TRAPPC9: variants seen among roughly 807,000 people sequenced by gnomAD.
The protein encoded by TRAPPC9 is IKK2 binding protein.
Under a neutral mutation model 124.0 loss-of-function variants are expected in TRAPPC9, and 83 were observed. The ratio of observed to expected loss-of-function variants is 0.67; its 90% CI spans 0.56 to 0.80. The LOEUF is 0.80. Ranked by LOEUF, TRAPPC9 falls within the 30% of genes least tolerant of loss-of-function variation. The pLI, the probability that TRAPPC9 is intolerant of heterozygous loss-of-function variation, is 0.00. For synonymous variants in TRAPPC9, 638 were observed against 617.5 expected (o/e 1.03, Z -0.49); for missense variants, 1,302 against 1,508.3 (o/e 0.86, Z 2.27).
At chr8:139,942,989 A>C (rs912454250) in intron 19 of TRAPPC9, among the ~76,000 whole-genome samples, 1 of 152,234 alleles carries the variant, frequency 6.6e-6, no homozygotes, top group Non-Finnish European at 1.5e-5. Flanking sequence ...CCTGGTGTGC[A>C]TGGAGCAGAG....
rs1008066050 is a variant in TRAPPC9 at position 139,814,312 on chromosome 8, G to A, written c.3055+71567C>T. On this transcript the variant is annotated intron_variant, in intron 21 of 22. Coordinates refer to ENST00000438773, the MANE Select transcript of TRAPPC9 (RefSeq NM_001160372.4). ...CCAATGGCCTTCCCCGTGGAGACAC[G>A]GCGATGAGAAGCCAAAAACAGTCAC... 5.9e-5 allele frequency among the ~76,000 whole-genome samples: 9 copies of A among 152,178 alleles called. 1 individual carries two copies. Among genetic ancestry groups the A allele is most frequent in the Non-Finnish European group, 7.3e-5 (5 of 68,030 alleles).
chr8:139,740,757 A>G (rs542052774), intron 21 of TRAPPC9, among the ~76,000 whole-genome samples: 13 of 152,316 alleles, frequency 8.5e-5, no homozygotes, highest in South Asian at 2.1e-4. Flanking sequence ...CGGGGCCCCA[A>G]CTGGAGCCAT....
At chr8:140,020,266 T>C (rs115334561) in intron 18 of TRAPPC9, among the ~76,000 whole-genome samples, 2,064 of 152,322 alleles carry the variant, frequency 0.014, 45 homozygotes, top group African/African-American at 0.046. Flanking sequence ...TTTCTTCTGC[T>C]TACTCTAGGT....
chr8:140,014,986 T>C (rs760933162), intron 18 of TRAPPC9, among the ~76,000 whole-genome samples: 13 of 152,160 alleles, frequency 8.5e-5, no homozygotes, highest in Non-Finnish European at 1.8e-4. Flanking sequence ...CTGCAGAAAT[T>C]ATCAGTATCA....
intron 17 of TRAPPC9, among the ~76,000 whole-genome samples, chr8:140,196,646 G>T (rs2062676709): frequency 6.6e-6 from 1 of 151,516 alleles, no homozygotes; most frequent in Admixed American, 6.6e-5. Flanking sequence ...CCACTGTACA[G>T]ATCACACCTG....
intron 5 of TRAPPC9, among the ~76,000 whole-genome samples, chr8:140,420,841 T>C (rs1051617794): frequency 1.3e-5 from 2 of 152,132 alleles, no homozygotes; most frequent in African/African-American, 4.8e-5. Flanking sequence ...TAAAAACAAA[T>C]TCATTTTCAA....
intron 17 of TRAPPC9, among the ~76,000 whole-genome samples, chr8:140,219,125 G>A (rs1391789895): frequency 2.0e-5 from 3 of 152,154 alleles, no homozygotes; most frequent in Non-Finnish European, 4.4e-5. Context: ...AGAAGGCCTT[G>A]GTGAGACCCC....
intron 16 of TRAPPC9, among the ~76,000 whole-genome samples, chr8:140,223,921 T>A (rs1269508114): frequency 6.6e-6 from 1 of 152,202 alleles, no homozygotes; most frequent in Non-Finnish European, 1.5e-5. Flanking sequence ...AAAAATAGTC[T>A]ACTTGAAAAG....
chr8:139,854,444 T>C (rs1436176854), intron 21 of TRAPPC9, among the ~76,000 whole-genome samples: 3 of 152,210 alleles, frequency 2.0e-5, no homozygotes, highest in Non-Finnish European at 2.9e-5. Context: ...GCCCTTGGTG[T>C]CCGTGTCTGT....
intron 21 of TRAPPC9, among the ~76,000 whole-genome samples, chr8:139,804,614 C>T (rs1208552268): frequency 3.9e-5 from 5 of 129,068 alleles, no homozygotes; most frequent in African/African-American, 1.2e-4. Context: ...CACACAACCA[C>T]CACCACCCAC....
chr8:139,826,179 A>T (rs1825617901), intron 21 of TRAPPC9, among the ~76,000 whole-genome samples: 1 of 151,920 alleles, frequency 6.6e-6, no homozygotes, highest in African/African-American at 2.4e-5. Context: ...GTGAGAGGGG[A>T]GTGGAGGGAG....
intron 18 of TRAPPC9, among the ~76,000 whole-genome samples, chr8:139,993,262 G>C (rs1334763116): frequency 6.6e-6 from 1 of 152,066 alleles, no homozygotes; most frequent in Non-Finnish European, 1.5e-5. Context: ...CAAAGGACAA[G>C]AATCAATAAT....
intron 17 of TRAPPC9, among the ~76,000 whole-genome samples, chr8:140,084,202 AT>A (rs1184505420): frequency 6.6e-6 from 1 of 152,148 alleles, no homozygotes; most frequent in East Asian, 1.9e-4. Context: ...ACCATGGTTA[AT>A]TTTTTTCCTC....
intron 21 of TRAPPC9, among the ~76,000 whole-genome samples, chr8:139,868,184 C>A (rs1203863742): frequency 1.3e-5 from 2 of 152,074 alleles, no homozygotes; most frequent in East Asian, 1.9e-4. Context: ...CATGGTGAAA[C>A]CCTGTTTCTA....
chr8:140,014,585 G>A (rs548156399), intron 18 of TRAPPC9, among the ~76,000 whole-genome samples: 2 of 152,258 alleles, frequency 1.3e-5, no homozygotes, highest in South Asian at 2.1e-4. Context: ...CCTAGGGAGT[G>A]CAGAGACCAA....
intron 7 of TRAPPC9, among the ~76,000 whole-genome samples, chr8:140,377,154 T>C (rs963916817): frequency 1.3e-5 from 2 of 152,190 alleles, no homozygotes; most frequent in Non-Finnish European, 2.9e-5. Context: ...ACCCACTCCT[T>C]TGGCTTCAAG....
intron 19 of TRAPPC9, among the ~76,000 whole-genome samples, chr8:139,967,682 A>G (rs2131593068): frequency 6.6e-6 from 1 of 152,388 alleles, no homozygotes; most frequent in East Asian, 1.9e-4. Context: ...CCCGCCAGGA[A>G]GAAAGAGCAC....
At chr8:139,737,383 A>G (rs960686325) in intron 21 of TRAPPC9, among the ~76,000 whole-genome samples, 4 of 147,772 alleles carry the variant, frequency 2.7e-5, no homozygotes, top group Admixed American at 6.9e-5. Flanking sequence ...CAGGGATGCC[A>G]GCGCATGTGT....
Position 140,436,357 on chromosome 8 carries a change from T to C in TRAPPC9, c.731-1117A>G, listed in dbSNP as rs567151637. ...TGAGACTGACTCAAAAAAATAAAAATAAAAAATAAAATAATAAGCTTGTCA... is the reference window on the plus strand; with the variant it reads ...TGAGACTGACTCAAAAAAATAAAAACAAAAAATAAAATAATAAGCTTGTCA... On this transcript the variant is annotated intron_variant, in intron 3 of 22. Coordinates refer to ENST00000438773, the MANE Select transcript of TRAPPC9 (RefSeq NM_001160372.4). 1.6e-3 allele frequency among the ~76,000 whole-genome samples: 242 copies of C among 152,052 alleles called. 2 individuals carry two copies. Among genetic ancestry groups the C allele is most frequent in the African/African-American group, 5.6e-3 (231 of 41,470 alleles).
Sources: gnomAD v4.1 joint callset for allele counts (sites outside exome capture counted in the v4.1 genomes callset) on GRCh38, gnomAD v4.1.1 for gene constraint, MANE v1.5 for transcripts, NCBI Gene and HGNC (gene_info 2026-07-23, HGNC 2026-07-21) for gene names.